The following ASH2L variants were observed in gnomAD, a reference collection of about 807,000 sequenced individuals.
ASH2L encodes ASH2 like, histone lysine methyltransferase complex subunit.
ASH2L carries 30 observed loss-of-function variants against 81.1 expected under a neutral mutation model. That is an observed-to-expected ratio of 0.37 (90% CI 0.28 to 0.50). The LOEUF (loss-of-function observed/expected upper bound fraction) is 0.50, where lower values mean the gene tolerates loss of function less well. Ranked by LOEUF, ASH2L falls within the 20% of genes least tolerant of loss-of-function variation. The pLI, the probability that ASH2L is intolerant of heterozygous loss-of-function variation, is 0.95. For missense variants in ASH2L, 559 were observed against 792.1 expected (o/e 0.71, Z 3.53); for synonymous variants, 273 against 279.9 (o/e 0.98, Z 0.24).
intron 3 of ASH2L, among the ~76,000 whole-genome samples, chr8:38,108,372 A>G (rs1214220157): frequency 2.0e-5 from 3 of 152,342 alleles, no homozygotes; most frequent in South Asian, 2.1e-4. Flanking sequence ...TAGGAAAGGA[A>G]GTTTACTAGA....
chr8:38,136,183 C>T (rs1032740515), intron 14 of ASH2L, among the ~76,000 whole-genome samples: 7 of 140,834 alleles, frequency 5.0e-5, no homozygotes, highest in Non-Finnish European at 1.1e-4. Flanking sequence ...ACCTCCTGGG[C>T]ACAAGTGATC....
intron 1 of ASH2L, chr8:38,106,121 A>T: frequency 6.5e-7 from 1 of 1,527,848 alleles, no homozygotes; most frequent in Non-Finnish European, 8.8e-7. Context: ...AACCTCTCCC[A>T]GGACCAACTC....
intron 10 of ASH2L, among the ~76,000 whole-genome samples, chr8:38,123,513 T>C (rs756094114): frequency 1.1e-4 from 17 of 152,252 alleles, no homozygotes; most frequent in Non-Finnish European, 2.5e-4. Flanking sequence ...AGTTCTTTTC[T>C]TCCCCACTTC....
intron 12 of ASH2L, among the ~76,000 whole-genome samples, chr8:38,132,170 A>G (rs1323782955): frequency 1.3e-5 from 2 of 152,138 alleles, no homozygotes; most frequent in Non-Finnish European, 2.9e-5. Flanking sequence ...TTAATTTTGA[A>G]GACAATATAT....
chr8:38,115,544 G>A (rs910022983), intron 7 of ASH2L, among the ~76,000 whole-genome samples: 23 of 152,170 alleles, frequency 1.5e-4, no homozygotes, highest in African/African-American at 5.3e-4. Context: ...GCTCATGCCT[G>A]TAATCCTAGC....
rs1362506644 is a variant in ASH2L, at chr8:38,133,087, C to CA, written c.1528-354dup. 1.8e-3 allele frequency among the ~76,000 whole-genome samples: 206 copies of CA among 113,334 alleles called. 1 individual carries two copies. Among genetic ancestry groups the CA allele is most frequent in the Middle Eastern group, 5.4e-3 (1 of 186 alleles). 74.4% of individuals were successfully genotyped at this position (113,334 alleles called of 152,430 possible). A position where few individuals can be genotyped will look rare whatever the true frequency, so the allele number is the denominator to read the frequency against. Reference sequence around the variant, plus strand: ...GGGCAACAAGAGTGAAACTCCGTCTCAAAAAAAAAAAAAGAATAAGAGATT... The same window carrying CA: ...GGGCAACAAGAGTGAAACTCCGTCTCAAAAAAAAAAAAAAGAATAAGAGATT... On this transcript the variant is annotated intron_variant, in intron 12 of 15. Transcript: ENST00000343823.
chr8:38,121,303 GTTCC>G (rs1811133002), intron 10 of ASH2L, among the ~76,000 whole-genome samples, 154 bp downstream of exon 10: 3 of 140,144 alleles, frequency 2.1e-5, no homozygotes, highest in African/African-American at 8.0e-5. Context: ...AAGAAATTCT[GTTCC>G]TTCCTATAAG....
chr8:38,114,611 T>C (rs1414780870), intron 6 of ASH2L: 1 of 400,620 alleles, frequency 2.5e-6, no homozygotes, highest in Non-Finnish European at 4.4e-6. Flanking sequence ...TAGGCAATAT[T>C]GTCCTTAAAA....
At chr8:38,110,016 C>CT (rs2130478345) in intron 3 of ASH2L, among the ~76,000 whole-genome samples, 1 of 152,256 alleles carries the variant, frequency 6.6e-6, no homozygotes, top group African/African-American at 2.4e-5. Context: ...TTTTGACAAC[C>CT]TTTTTACATT....
intron 1 of ASH2L, 105 bp downstream of exon 1, chr8:38,105,843 C>T (rs925117629): frequency 6.9e-7 from 1 of 1,445,202 alleles, no homozygotes; most frequent in Non-Finnish European, 9.1e-7. Context: ...ACCCAGGCCC[C>T]GCCGCCAATG....
At chr8:38,117,090 G>A (rs1398092318) in intron 8 of ASH2L, among the ~76,000 whole-genome samples, 1 of 152,104 alleles carries the variant, frequency 6.6e-6, no homozygotes, top group Non-Finnish European at 1.5e-5. Context: ...GATTTCCTGT[G>A]CCCATCTTCT....
Position 38,114,904 on chromosome 8 carries a change from G to T in ASH2L, c.682-1G>T. ...AATAGTAAAACACTACTTCTTTTTAGAGTAAAGAAAGAGATGTATTCTTGG... is the reference window on the plus strand; with the variant it reads ...AATAGTAAAACACTACTTCTTTTTATAGTAAAGAAAGAGATGTATTCTTGG... On this transcript the variant is annotated splice_acceptor_variant, in intron 6 of 15. Coordinates refer to ENST00000343823, the MANE Select transcript of ASH2L (RefSeq NM_004674.5). LOFTEE classifies it high-confidence loss of function. 1 of 1,582,868 alleles carries T rather than the reference G, an allele frequency of 6.3e-7. No individual in the cohort carries two copies. The highest frequency in any genetic ancestry group is 8.7e-7 in the Non-Finnish European group (1 of 1,152,580).
At chr8:38,110,224 C>A (rs931946165) in intron 3 of ASH2L, among the ~76,000 whole-genome samples, 155 bp from the exon 4 acceptor site, 10 of 152,100 alleles carry the variant, frequency 6.6e-5, no homozygotes, top group African/African-American at 2.4e-4. Flanking sequence ...GTGGGAGAAT[C>A]AACCTGAGCC....
intron 3 of ASH2L, among the ~76,000 whole-genome samples, chr8:38,107,910 G>GTA (rs966299055): frequency 0.01 from 1,411 of 140,750 alleles, 50 homozygotes; most frequent in Admixed American, 0.061. Flanking sequence ...GTGTGTATAT[G>GTA]TATATATATA....
intron 7 of ASH2L, among the ~76,000 whole-genome samples, chr8:38,115,771 CCT>C (rs1311084263): frequency 6.6e-6 from 1 of 152,184 alleles, no homozygotes; most frequent in Non-Finnish European, 1.5e-5. Flanking sequence ...TGCCCTGTGC[CCT>C]CTCCTGCCTC....
chr8:38,109,069 T>C (rs1281371820), intron 3 of ASH2L, among the ~76,000 whole-genome samples: 1 of 152,088 alleles, frequency 6.6e-6, no homozygotes, highest in African/African-American at 2.4e-5. Context: ...AACAGAGTGA[T>C]ACCCTGTCTC....
chr8:38,115,654 A>C (rs1196082563), intron 7 of ASH2L, among the ~76,000 whole-genome samples: 2 of 152,152 alleles, frequency 1.3e-5, no homozygotes, highest in Non-Finnish European at 2.9e-5. Flanking sequence ...AAAATGCAAG[A>C]TTTCACATAG....
rs771106161 is a variant in ASH2L at position 38,106,048 on chromosome 8, A to C, written c.188+310A>C. ...TATTCCAGAAAAGAAACCACTTTGC[A>C]GTGCCAGACTGGAAGAAGTAACGGT... On this transcript the variant is annotated intron_variant, in intron 1 of 15. Transcript: ENST00000343823. 27 of 1,526,358 alleles carry C rather than the reference A, an allele frequency of 1.8e-5. No individual in the cohort carries two copies. The South Asian group carries it at 2.9e-4, about 16-fold the overall frequency. 94.6% of individuals were successfully genotyped at this position (1,526,358 alleles called of 1,614,324 possible).
chr8:38,125,585 G>A (rs1389279503), intron 10 of ASH2L, among the ~76,000 whole-genome samples: 1 of 147,786 alleles, frequency 6.8e-6, no homozygotes, highest in Non-Finnish European at 1.5e-5. Flanking sequence ...TCCAGCCTGG[G>A]CGACAAGAGT....
Sources: gnomAD v4.1 joint callset for allele counts (sites outside exome capture counted in the v4.1 genomes callset) on GRCh38, gnomAD v4.1.1 for gene constraint, MANE v1.5 for transcripts, NCBI Gene and HGNC (gene_info 2026-07-23, HGNC 2026-07-21) for gene names.